The following PCDH19 variants were observed in gnomAD, a reference collection of about 807,000 sequenced individuals.
The protein encoded by PCDH19 is protocadherin 19.
PCDH19 carries 6 observed loss-of-function variants against 46.2 expected under a neutral mutation model. The observed-to-expected ratio is 0.13, with a 90% CI of 0.07 to 0.26. PCDH19 has a LOEUF of 0.26. PCDH19 is among the 10% of genes least tolerant of loss of function. The pLI is 1.00. For synonymous variants in PCDH19, 481 were observed against 415.7 expected, an observed-to-expected ratio of 1.16 and a Z score of -1.91; for missense variants, 740 against 972.3, an observed-to-expected ratio of 0.76 and a Z score of 3.18.
intron 5 of PCDH19, among the ~76,000 whole-genome samples, chrX:100,338,970 G>A (rs1459567181): frequency 8.9e-6 from 1 of 111,867 alleles, no homozygotes; most frequent in Non-Finnish European, 1.9e-5. Context: ...TACGTGCAAG[G>A]AAATATGCAG....
At chrX:100,373,342 T>G (rs1437660840) in intron 3 of PCDH19, among the ~76,000 whole-genome samples, 1 of 112,792 alleles carries the variant, frequency 8.9e-6, no homozygotes, top group African/African-American at 3.2e-5. Flanking sequence ...AGAAATTGAT[T>G]TGCTGTTCAA....
At chrX:100,389,366 G>C (rs1037999346) in intron 3 of PCDH19, among the ~76,000 whole-genome samples, 5 of 101,223 alleles carry the variant, frequency 4.9e-5, no homozygotes, top group Non-Finnish European at 8.1e-5. Flanking sequence ...AAGGAGAACA[G>C]AACGGTGGTT....
chrX:100,402,946 C>T (rs1459504193), intron 2 of PCDH19, 95 bp from the exon 3 acceptor site: 9 of 641,051 alleles, frequency 1.4e-5, no homozygotes, highest in Admixed American at 2.5e-5. Flanking sequence ...TGCACCCCAT[C>T]TCCGCTCCAG....
intron 3 of PCDH19, among the ~76,000 whole-genome samples, chrX:100,387,550 A>G (rs1456894078): frequency 9.0e-6 from 1 of 111,725 alleles, no homozygotes; most frequent in Non-Finnish European, 1.9e-5. Flanking sequence ...AAAAAAATAT[A>G]TTTTGCCAAA....
chrX:100,395,285 T>C (rs1927995946), intron 3 of PCDH19, among the ~76,000 whole-genome samples: 1 of 112,562 alleles, frequency 8.9e-6, no homozygotes, highest in African/African-American at 3.2e-5. Flanking sequence ...AGGACTCTCC[T>C]TTATGAAAGG....
Position 100,333,154 on chromosome X carries a change from GAA to G in PCDH19, c.2848+8747_2848+8748del, listed in dbSNP as rs1352194160. 1.0e-2 allele frequency among the ~76,000 whole-genome samples: 537 copies of G among 53,793 alleles called. 9 individuals are homozygous for G. Among genetic ancestry groups the G allele is most frequent in the Non-Finnish European group, 0.015 (393 of 25,540 alleles). 46.7% of individuals were successfully genotyped at this position (53,793 alleles called of 115,157 possible). On this transcript the variant is annotated intron_variant, in intron 5 of 5. Coordinates refer to ENST00000373034, the MANE Select transcript of PCDH19 (RefSeq NM_001184880.2). ...GGAAGGAAGGAAGGAAGGAAGGAAG[GAA>G]GGAAGGAAGGAAGGAAGGGAGAGAG... is the stretch of plus-strand genomic sequence containing the variant.
chrX:100,372,478 A>T (rs776881940), intron 3 of PCDH19, among the ~76,000 whole-genome samples: 1 of 112,229 alleles, frequency 8.9e-6, no homozygotes, highest in African/African-American at 3.2e-5. Flanking sequence ...TGATCATGAG[A>T]TTCCAGTATG....
intron 5 of PCDH19, among the ~76,000 whole-genome samples, chrX:100,333,163 A>G (rs200955850): frequency 0.085 from 3,306 of 38,994 alleles, 242 homozygotes; most frequent in South Asian, 0.17. Context: ...GGAAGGAAGG[A>G]AGGAAGGAAG....
chrX:100,374,986 C>G (rs1927330192), intron 3 of PCDH19, among the ~76,000 whole-genome samples: 1 of 111,551 alleles, frequency 9.0e-6, no homozygotes, highest in South Asian at 3.8e-4. Flanking sequence ...GAAGTACATG[C>G]CCTGGCAGGA....
chrX:100,332,417 G>C lies in PCDH19; in HGVS notation c.2848+9486C>G, dbSNP rs184240469. Among the ~76,000 whole-genome samples the C allele has an allele frequency of 7.2e-3, 782 of 108,655 alleles. 7 individuals are homozygous for C. The highest frequency in any genetic ancestry group is 0.01 in the Non-Finnish European group (542 of 52,389). 94.4% of individuals were successfully genotyped at this position (108,655 alleles called of 115,157 possible). On this transcript the variant is annotated intron_variant, in intron 5 of 5. Transcript: ENST00000373034. ...CAGGCCTGTAATCCCAGCTACTCAG[G>C]AGACTGAGGCAGGAGAATAGCTTGA...
Position 100,407,350 on chromosome X carries a change from G to A in PCDH19, c.1248C>T (p.His416=), listed in dbSNP as rs1928400843. 2.5e-6 allele frequency: 3 copies of A among 1,211,038 alleles called. No individual in the cohort carries two copies. The highest frequency in any genetic ancestry group is 1.8e-5 in the South Asian group (1 of 56,898). Residue 416 remains histidine, a synonymous_variant, in exon 1 of 6, where the codon CAC becomes CAT. Transcript: ENST00000373034. The part of the protein sequence containing the change: ...LVDGRLDREQ[H]DQYNLTIQAR... ...CCTGAATTGTGAGGTTGTATTGGTCGTGCTGCTCGCGGTCCAGCCGTCCGT... is the reference window on the plus strand; with the variant it reads ...CCTGAATTGTGAGGTTGTATTGGTCATGCTGCTCGCGGTCCAGCCGTCCGT...
Position 100,293,723 on chromosome X carries a change from A to G in PCDH19, c.*2554T>C, listed in dbSNP as rs976271065. The G allele has an allele frequency of 1.2e-4, 13 of 112,016 alleles. No individual in the cohort carries two copies. The highest frequency in any genetic ancestry group is 4.2e-4 in the African/African-American group (13 of 30,849). 9.2% of individuals were successfully genotyped at this position (112,016 alleles called of 1,213,427 possible). On this transcript the variant is annotated 3_prime_UTR_variant, in exon 6 of 6. Coordinates refer to ENST00000373034, the MANE Select transcript of PCDH19 (RefSeq NM_001184880.2). ...TGCTCAGTGAGGTTTGGAAGCCAAAAAAATCTGACTGCCCACTGAGAACAA... is the reference window on the plus strand; with the variant it reads ...TGCTCAGTGAGGTTTGGAAGCCAAAGAAATCTGACTGCCCACTGAGAACAA...
chrX:100,403,634 G>A lies in PCDH19; in HGVS notation c.2178C>T (p.Gly726=), dbSNP rs1490130993. ...TGCTGTTTTGTCCTTTTATAAAACA[G>A]CCGAGGAGACAAGTGATGGTTAAAC... is the stretch of plus-strand genomic sequence containing the variant. ...SNCLTITCLL[G]CFIKGQNSKC... Residue 726 remains glycine (G), a synonymous_variant, in exon 2 of 6, where the codon GGC becomes GGT. Coordinates refer to ENST00000373034, the MANE Select transcript of PCDH19 (RefSeq NM_001184880.2). The A allele has an allele frequency of 8.3e-7, 1 of 1,205,069 alleles. No homozygotes were observed. The highest frequency in any genetic ancestry group is 1.1e-6 in the Non-Finnish European group (1 of 892,421).
intron 5 of PCDH19, among the ~76,000 whole-genome samples, chrX:100,316,819 T>G (rs1925322452): frequency 1.8e-5 from 2 of 112,307 alleles, no homozygotes; most frequent in Non-Finnish European, 3.8e-5. Flanking sequence ...CAAATCAATA[T>G]TTTACAATCA....
chrX:100,394,918 C>T (rs868796836), intron 3 of PCDH19, among the ~76,000 whole-genome samples: 4 of 91,417 alleles, frequency 4.4e-5, no homozygotes, highest in Non-Finnish European at 6.2e-5. Context: ...GACGGAGTCT[C>T]GCTCTGTCGC....
intron 3 of PCDH19, among the ~76,000 whole-genome samples, chrX:100,361,902 C>T (rs1233123667): frequency 1.8e-5 from 2 of 111,388 alleles, no homozygotes; most frequent in Non-Finnish European, 1.9e-5. Context: ...TGCTTAAACA[C>T]GACAGGTTCA....
chrX:100,337,959 T>A (rs1926135862), intron 5 of PCDH19, among the ~76,000 whole-genome samples: 1 of 111,437 alleles, frequency 9.0e-6, no homozygotes, highest in African/African-American at 3.3e-5. Context: ...AAATAAAAAA[T>A]AAATTTAGAC....
chrX:100,347,830 AGGTG>A (rs1287810258), intron 4 of PCDH19, among the ~76,000 whole-genome samples: 1 of 110,076 alleles, frequency 9.1e-6, no homozygotes, highest in African/African-American at 3.3e-5. Flanking sequence ...TGGGAGGCCA[AGGTG>A]GGTGGATCAT....
At chrX:100,381,751 G>C (rs781300504) in intron 3 of PCDH19, among the ~76,000 whole-genome samples, 1 of 112,051 alleles carries the variant, frequency 8.9e-6, no homozygotes, top group East Asian at 2.8e-4. Flanking sequence ...TGAATCATTA[G>C]ATAAGCCTTG....
Sources: gnomAD v4.1 joint callset for allele counts (sites outside exome capture counted in the v4.1 genomes callset) on GRCh38, gnomAD v4.1.1 for gene constraint, MANE v1.5 for transcripts, NCBI Gene and HGNC (gene_info 2026-07-23, HGNC 2026-07-21) for gene names.